Variants in FAM107B observed in about 807,000 individuals in gnomAD.
FAM107B encodes family with sequence similarity 107 member B.
In FAM107B, 21 loss-of-function variants were observed where a neutral mutation model predicts 31.5. That is an observed-to-expected ratio of 0.67 (90% CI 0.47 to 0.96). The LOEUF (loss-of-function observed/expected upper bound fraction) is 0.96. FAM107B is among the 40% of genes least tolerant of loss of function. FAM107B has a pLI of 0.00. For missense variants in FAM107B, 452 were observed against 377.1 expected (o/e 1.20, Z -1.64); for synonymous variants, 157 against 141.5 (o/e 1.11, Z -0.78).
At chr10:14,606,675 CTCCT>C (rs1852597705) in intron 2 of FAM107B, among the ~76,000 whole-genome samples, 1 of 152,044 alleles carries the variant, frequency 6.6e-6, no homozygotes, top group African/African-American at 2.4e-5. Flanking sequence ...CACCAGATCC[CTCCT>C]TCCTTCTCTC....
intron 2 of FAM107B, among the ~76,000 whole-genome samples, chr10:14,557,266 C>T (rs1449229311): frequency 6.6e-6 from 1 of 152,224 alleles, no homozygotes; most frequent in Non-Finnish European, 1.5e-5. Flanking sequence ...TACCTAGGGG[C>T]CAGGGCCATT....
At chr10:14,589,173 C>CAAAAAAAAAAAAAAAA (rs148244421) in intron 2 of FAM107B, among the ~76,000 whole-genome samples, 1 of 105,498 alleles carries the variant, frequency 9.5e-6, no homozygotes. Context: ...GAGACTGTCT[C>CAAAAAAAAAAAAAAAA]AAAAAAAAAA....
At chr10:14,759,868 T>TA in intron 1 of FAM107B, among the ~76,000 whole-genome samples, 1 of 152,178 alleles carries the variant, frequency 6.6e-6, no homozygotes, top group East Asian at 1.9e-4. Context: ...CCCACCAGCA[T>TA]GTCCGGCTAA....
intron 1 of FAM107B, among the ~76,000 whole-genome samples, chr10:14,705,023 C>CAAAAAAAAAA (rs57922026): frequency 2.3e-5 from 2 of 87,894 alleles, no homozygotes; most frequent in Non-Finnish European, 4.2e-5. Flanking sequence ...GACCCTGTCA[C>CAAAAAAAAAA]AAAAAAAAAA....
intron 2 of FAM107B, among the ~76,000 whole-genome samples, chr10:14,531,290 T>A (rs1206897603): frequency 6.6e-6 from 1 of 152,034 alleles, no homozygotes; most frequent in African/African-American, 2.4e-5. Flanking sequence ...GAGGCTGTTG[T>A]GGGAGGATCA....
intron 2 of FAM107B, among the ~76,000 whole-genome samples, chr10:14,584,265 C>A (rs993269151): frequency 5.9e-5 from 9 of 152,098 alleles, no homozygotes; most frequent in Non-Finnish European, 8.8e-5. Context: ...TAAAGAGACA[C>A]AAAGATGAGG....
At chr10:14,524,034 AT>A (rs11288279) in intron 3 of FAM107B, among the ~76,000 whole-genome samples, 70,223 of 123,336 alleles carry the variant, frequency 0.57, 18,597 homozygotes, top group African/African-American at 0.63. Flanking sequence ...GCCCAGCTCT[AT>A]TTTTTTTTTT....
intron 2 of FAM107B, among the ~76,000 whole-genome samples, chr10:14,662,831 G>C (rs754419866): frequency 4.6e-5 from 7 of 152,172 alleles, no homozygotes; most frequent in Non-Finnish European, 8.8e-5. Flanking sequence ...AACTTGATTG[G>C]ATTGAAGGAT....
chr10:14,593,216 C>T lies in FAM107B; in HGVS notation c.470-62701G>A, dbSNP rs182418137. ...ACATAAAAAGCTTTTTTGTTTGCTA[C>T]TTTGAACTAGTAAACTAAAATTATA... On this transcript the variant is annotated intron_variant, in intron 2 of 4. Coordinates refer to ENST00000181796, the MANE Select transcript of FAM107B (RefSeq NM_031453.4). Among the ~76,000 whole-genome samples, 804 of 152,040 alleles carry T rather than the reference C, an allele frequency of 5.3e-3. 3 individuals are homozygous for T. The highest frequency in any genetic ancestry group is 0.024 in the Middle Eastern group (7 of 294).
chr10:14,594,501 C>CAAAAA (rs371126997), intron 2 of FAM107B, among the ~76,000 whole-genome samples: 4 of 80,158 alleles, frequency 5.0e-5, no homozygotes, highest in African/African-American at 1.2e-4. Context: ...AAGACCCTGC[C>CAAAAA]AAAAAAAAAA....
intron 2 of FAM107B, among the ~76,000 whole-genome samples, chr10:14,552,471 G>A (rs115573640): frequency 2.7e-5 from 4 of 149,476 alleles, no homozygotes; most frequent in Non-Finnish European, 1.5e-5. Flanking sequence ...ACCCAACAAT[G>A]AAAAAAAAAA....
At position 14,774,528 on chromosome 10, in the gene FAM107B, C is replaced by T. The variant is rs775071180; in HGVS notation, c.136G>A (p.Ala46Thr). Residue 46 changes from alanine to threonine, a missense_variant, in exon 1 of 5, where the codon GCT becomes ACT. Coordinates refer to ENST00000181796, the MANE Select transcript of FAM107B (RefSeq NM_031453.4). ...ACACGGACGGTGGAATGAGTATCAG[C>T]CACGCCGGACTGATTGAAGGAAGCA... ...ESASFNQSGV[A>T]DTHSTVRVQP... 16 of 1,614,214 alleles carry T rather than the reference C, an allele frequency of 9.9e-6. No individual in the cohort carries two copies. The highest frequency in any genetic ancestry group is 1.4e-5 in the Non-Finnish European group (16 of 1,180,046).
At chr10:14,580,268 G>A (rs1335897646) in intron 2 of FAM107B, among the ~76,000 whole-genome samples, 3 of 151,912 alleles carry the variant, frequency 2.0e-5, no homozygotes, top group Non-Finnish European at 4.4e-5. Context: ...GCTGAGACAG[G>A]AGAATGGCGT....
chr10:14,579,557 G>T (rs1851568082), intron 2 of FAM107B, among the ~76,000 whole-genome samples: 1 of 152,168 alleles, frequency 6.6e-6, no homozygotes, highest in Non-Finnish European at 1.5e-5. Flanking sequence ...ATCAAGCAAA[G>T]AAATGGAAAT....
At chr10:14,582,443 C>T (rs1024411453) in intron 2 of FAM107B, among the ~76,000 whole-genome samples, 3 of 128,016 alleles carry the variant, frequency 2.3e-5, no homozygotes, top group Non-Finnish European at 4.7e-5. Context: ...GTGGCACAAT[C>T]TCTGCTCACG....
At chr10:14,772,339 G>C (rs1407613639) in intron 1 of FAM107B, among the ~76,000 whole-genome samples, 1 of 149,098 alleles carries the variant, frequency 6.7e-6, no homozygotes, top group African/African-American at 2.6e-5. Context: ...GGGAGACAGA[G>C]CAAGACTCCA....
At chr10:14,675,593 T>C (rs1281916829) in intron 1 of FAM107B, among the ~76,000 whole-genome samples, 2 of 152,154 alleles carry the variant, frequency 1.3e-5, no homozygotes, top group South Asian at 2.1e-4. Flanking sequence ...TCCAAGACAA[T>C]TGAATTTTAA....
At chr10:14,607,380 T>A (rs115718006) in intron 2 of FAM107B, among the ~76,000 whole-genome samples, 175 of 152,330 alleles carry the variant, frequency 1.1e-3, no homozygotes, top group African/African-American at 3.8e-3. Context: ...TTAATTCAGG[T>A]AAGATCAAGT....
At chr10:14,720,371 G>C (rs922645950) in intron 1 of FAM107B, among the ~76,000 whole-genome samples, 7 of 151,964 alleles carry the variant, frequency 4.6e-5, no homozygotes, top group Admixed American at 2.6e-4. Context: ...CTCCTGCCTC[G>C]GGCTCCAGAG....
Sources: gnomAD v4.1 joint callset for allele counts (sites outside exome capture counted in the v4.1 genomes callset) on GRCh38, gnomAD v4.1.1 for gene constraint, MANE v1.5 for transcripts, NCBI Gene and HGNC (gene_info 2026-07-23, HGNC 2026-07-21) for gene names.